SLC8A1: variants seen among roughly 807,000 people sequenced by gnomAD.
The protein encoded by SLC8A1 is sodium/calcium exchanger 1.
A neutral mutation model predicts 68.3 loss-of-function variants in SLC8A1; 18 were observed. The observed-to-expected ratio is 0.26, with a 90% CI of 0.18 to 0.39. SLC8A1 has a LOEUF of 0.39. Ranked by LOEUF, SLC8A1 falls within the 10% of genes least tolerant of loss-of-function variation. The probability of loss-of-function intolerance (pLI) is 1.00; values close to 1 mark genes in which losing one functional copy is unlikely to be tolerated. For synonymous variants in SLC8A1, 475 were observed against 415.5 expected (o/e 1.14, Z -1.74); for missense variants, 985 against 1,156.7 (o/e 0.85, Z 2.15).
intron 2 of SLC8A1, among the ~76,000 whole-genome samples, chr2:40,398,706 G>C (rs959456657): frequency 6.6e-6 from 1 of 151,900 alleles, no homozygotes; most frequent in Non-Finnish European, 1.5e-5. Context: ...TTTTAAAATG[G>C]CTGTATAGTA....
At chr2:40,434,575 C>T (rs1480728701) in intron 1 of SLC8A1, among the ~76,000 whole-genome samples, 1 of 152,100 alleles carries the variant, frequency 6.6e-6, no homozygotes, top group African/African-American at 2.4e-5. Flanking sequence ...TGTTGATTTG[C>T]TGCCTGGCTT....
At chr2:40,504,296 C>A (rs71426871) in intron 1 of SLC8A1, among the ~76,000 whole-genome samples, 10,257 of 151,998 alleles carry the variant, frequency 0.067, 812 homozygotes, top group East Asian at 0.4. Flanking sequence ...TCGCTAAATA[C>A]AACAATCAAA....
chr2:40,430,542 G>A (rs1174654631), intron 1 of SLC8A1, among the ~76,000 whole-genome samples: 1 of 152,070 alleles, frequency 6.6e-6, no homozygotes, highest in African/African-American at 2.4e-5. Context: ...ATCTTTCTGT[G>A]AATTTACTAC....
At chr2:40,302,429 G>C (rs1339759979) in intron 2 of SLC8A1, among the ~76,000 whole-genome samples, 1 of 145,186 alleles carries the variant, frequency 6.9e-6, no homozygotes, top group Non-Finnish European at 1.5e-5. Flanking sequence ...TGGCTGGGTA[G>C]TATTCCATTG....
chr2:40,440,956 G>C (rs975999259), intron 1 of SLC8A1, among the ~76,000 whole-genome samples: 4 of 152,110 alleles, frequency 2.6e-5, no homozygotes, highest in African/African-American at 4.8e-5. Context: ...AAGAAAAAAA[G>C]GGTGTTCAAA....
chr2:40,448,766 G>T (rs897967593), intron 1 of SLC8A1, among the ~76,000 whole-genome samples: 1 of 152,112 alleles, frequency 6.6e-6, no homozygotes, highest in Non-Finnish European at 1.5e-5. Flanking sequence ...TATGATGAAG[G>T]ATTTAACTAC....
intron 1 of SLC8A1, among the ~76,000 whole-genome samples, chr2:40,491,895 A>G (rs541003860): frequency 2.0e-5 from 3 of 152,312 alleles, no homozygotes; most frequent in South Asian, 2.1e-4. Context: ...GGAAGAATCA[A>G]TATCATGAAA....
At chr2:40,318,943 C>G (rs2074843934) in intron 2 of SLC8A1, among the ~76,000 whole-genome samples, 1 of 152,014 alleles carries the variant, frequency 6.6e-6, no homozygotes. Context: ...GCAGATGTTA[C>G]TGTTACTAGA....
chr2:40,397,263 A>G (rs1687280348), intron 2 of SLC8A1, among the ~76,000 whole-genome samples: 1 of 152,108 alleles, frequency 6.6e-6, no homozygotes, highest in South Asian at 2.1e-4. Context: ...ACATGTCATG[A>G]GCTAATGTGC....
At chr2:40,442,789 A>G (rs1352657135) in intron 1 of SLC8A1, among the ~76,000 whole-genome samples, 3 of 152,226 alleles carry the variant, frequency 2.0e-5, no homozygotes, top group East Asian at 3.9e-4. Context: ...ATTCTACTAT[A>G]AAGACACATG....
rs183106428 is a variant in SLC8A1, at chr2:40,441,862, G to T, written c.-25+10042C>A. Among the ~76,000 whole-genome samples, 202 of 152,148 alleles carry T rather than the reference G, an allele frequency of 1.3e-3. 1 individual carries two copies. Among genetic ancestry groups the T allele is most frequent in the Non-Finnish European group, 2.3e-3 (156 of 68,006 alleles). ...CATTCAGGGCATGGGTATGGGCAAA[G>T]ACTTCATGACTACATCACCAAAAGC... On this transcript the variant is annotated intron_variant, in intron 1 of 7. Transcript: ENST00000406785.
chr2:40,254,082 T>C (rs184804251), intron 2 of SLC8A1, among the ~76,000 whole-genome samples: 84 of 152,272 alleles, frequency 5.5e-4, no homozygotes, highest in African/African-American at 2.0e-3. Flanking sequence ...ATATTCTAAT[T>C]ACCCTGATTT....
At chr2:40,395,622 C>G (rs1057244255) in intron 2 of SLC8A1, among the ~76,000 whole-genome samples, 1 of 152,066 alleles carries the variant, frequency 6.6e-6, no homozygotes, top group African/African-American at 2.4e-5. Flanking sequence ...GACATATTTA[C>G]TGTTCTAAGA....
At chr2:40,271,877 T>G (rs998426729) in intron 2 of SLC8A1, among the ~76,000 whole-genome samples, 2 of 152,116 alleles carry the variant, frequency 1.3e-5, no homozygotes, top group Non-Finnish European at 2.9e-5. Flanking sequence ...TTTATTTATT[T>G]TTTTTTAGAG....
chr2:40,415,067 T>C (rs1693388947), intron 2 of SLC8A1, among the ~76,000 whole-genome samples: 1 of 152,118 alleles, frequency 6.6e-6, no homozygotes, highest in African/African-American at 2.4e-5. Context: ...GGACTATTCA[T>C]GGAATGCATG....
At chr2:40,413,204 G>C (rs552999603) in intron 2 of SLC8A1, among the ~76,000 whole-genome samples, 1 of 152,280 alleles carries the variant, frequency 6.6e-6, no homozygotes, top group Admixed American at 6.5e-5. Flanking sequence ...CGATTCCTCA[G>C]GGATCTAGAA....
intron 6 of SLC8A1, among the ~76,000 whole-genome samples, chr2:40,144,154 G>A (rs2042052606): frequency 6.6e-6 from 1 of 152,150 alleles, no homozygotes; most frequent in Non-Finnish European, 1.5e-5. Context: ...ATTTCACTGA[G>A]TATATATTCT....
chr2:40,250,497 A>G (rs191614938), intron 2 of SLC8A1: 1 of 151,782 alleles, frequency 6.6e-6, no homozygotes, highest in Non-Finnish European at 1.5e-5. Context: ...CTCTGATACC[A>G]TGACAGGAAA....
intron 2 of SLC8A1, among the ~76,000 whole-genome samples, chr2:40,326,382 T>C (rs192553896): frequency 2.6e-4 from 39 of 151,970 alleles, no homozygotes; most frequent in Non-Finnish European, 1.8e-4. Flanking sequence ...AGATCAAAAA[T>C]AGTCATAGCT....
Sources: gnomAD v4.1 joint callset for allele counts (sites outside exome capture counted in the v4.1 genomes callset) on GRCh38, gnomAD v4.1.1 for gene constraint, MANE v1.5 for transcripts, NCBI Gene and HGNC (gene_info 2026-07-23, HGNC 2026-07-21) for gene names.